TVP23C: variants seen among roughly 807,000 people sequenced by gnomAD.
The protein encoded by TVP23C is Golgi apparatus membrane protein TVP23 homolog C.
In TVP23C, 19 loss-of-function variants were observed where a neutral mutation model predicts 28.7. The ratio of observed to expected loss-of-function variants is 0.66; its 90% CI spans 0.46 to 0.97. TVP23C has a LOEUF of 0.97. Ranked by LOEUF, TVP23C falls within the 50% of genes least tolerant of loss-of-function variation. The pLI, the probability that TVP23C is intolerant of heterozygous loss-of-function variation, is 0.00. For missense variants in TVP23C, 186 were observed against 241.3 expected (o/e 0.77, Z 1.52); for synonymous variants, 68 against 81.7 (o/e 0.83, Z 0.90).
At chr17:15,544,403 A>G (rs1983553067) in intron 5 of TVP23C, among the ~76,000 whole-genome samples, 1 of 152,188 alleles carries the variant, frequency 6.6e-6, no homozygotes, top group Non-Finnish European at 1.5e-5. Context: ...GATAACTATT[A>G]TAAAACTTGG....
At chr17:15,559,530 C>G (rs1043896034) in intron 1 of TVP23C, among the ~76,000 whole-genome samples, 3 of 148,286 alleles carry the variant, frequency 2.0e-5, no homozygotes, top group African/African-American at 7.3e-5. Context: ...ACTGCATGTT[C>G]TGACTCACCT....
chr17:15,518,328 A>C (rs1284952315), intron 5 of TVP23C, among the ~76,000 whole-genome samples: 1 of 152,180 alleles, frequency 6.6e-6, no homozygotes, highest in Non-Finnish European at 1.5e-5. Flanking sequence ...ATATGGTTGC[A>C]ATGCTACGTA....
intron 5 of TVP23C, among the ~76,000 whole-genome samples, chr17:15,513,977 G>A (rs1982112817): frequency 6.6e-6 from 1 of 152,172 alleles, no homozygotes. Context: ...CGGTGAGGGA[G>A]GCCCAGAGAC....
chr17:15,562,218 A>C (rs1984429804), intron 1 of TVP23C: 1 of 152,180 alleles, frequency 6.6e-6, no homozygotes, highest in Non-Finnish European at 1.5e-5. Context: ...GCCTGATCCA[A>C]GACTTTTTTT....
chr17:15,536,540 T>C (rs114880471), downstream of TVP23C, among the ~76,000 whole-genome samples: 741 of 152,288 alleles, frequency 4.9e-3, 3 homozygotes, highest in African/African-American at 0.017. Context: ...GAAAAACGAA[T>C]ATTAGGGAAT....
rs374293023 is a variant in TVP23C at position 15,540,309 on chromosome 17, T to C, written c.*103A>G. 6.8e-4 allele frequency: 937 copies of C among 1,370,534 alleles called. 9 individuals carry two copies. The African/African-American group carries it at 0.012, about 18-fold the overall frequency. 84.9% of individuals were successfully genotyped at this position (1,370,534 alleles called of 1,614,324 possible). On this transcript the variant is annotated 3_prime_UTR_variant, in exon 6 of 6. Transcript: ENST00000518321. ...CCCCCAAAGAGCAATTACAACATCTTTATCATTATATTTATACAACTATAT... is the reference window on the plus strand; with the variant it reads ...CCCCCAAAGAGCAATTACAACATCTCTATCATTATATTTATACAACTATAT...
intron 3 of TVP23C, among the ~76,000 whole-genome samples, chr17:15,551,626 C>T (rs988258571): frequency 3.3e-5 from 5 of 152,000 alleles, no homozygotes; most frequent in Admixed American, 1.3e-4. Context: ...GCTTTGAATG[C>T]GGCCCAAGAG....
intron 3 of TVP23C, among the ~76,000 whole-genome samples, chr17:15,547,925 G>C (rs1983715044): frequency 6.6e-6 from 1 of 152,082 alleles, no homozygotes; most frequent in Non-Finnish European, 1.5e-5. Context: ...TTAATTAATG[G>C]TGTCCACTAA....
chr17:15,511,015 T>C (rs1054998659), intron 5 of TVP23C, among the ~76,000 whole-genome samples: 120 of 143,004 alleles, frequency 8.4e-4, no homozygotes, highest in Admixed American at 8.0e-4. Flanking sequence ...GATTGCACCA[T>C]TGCACTCCAG....
chr17:15,538,598 A>T lies in TVP23C; in HGVS notation c.*1814T>A. 1 of 983,690 alleles carries T rather than the reference A, an allele frequency of 1.0e-6. No individual in the cohort carries two copies. Among genetic ancestry groups the T allele is most frequent in the Non-Finnish European group, 1.2e-6 (1 of 828,412 alleles). 60.9% of individuals were successfully genotyped at this position (983,690 alleles called of 1,614,324 possible). A position where few individuals can be genotyped will look rare whatever the true frequency, so the allele number is the denominator to read the frequency against. On this transcript the variant is annotated 3_prime_UTR_variant, in exon 6 of 6. Transcript: ENST00000518321. Reference sequence around the variant, plus strand: ...AGAGTGAGACTCTGTCTCAAAAAAAATAAATAAATAAAAAAGTAGACATGC... The same window carrying T: ...AGAGTGAGACTCTGTCTCAAAAAAATTAAATAAATAAAAAAGTAGACATGC...
chr17:15,518,494 T>G (rs963797643), intron 5 of TVP23C, among the ~76,000 whole-genome samples: 1 of 152,212 alleles, frequency 6.6e-6, no homozygotes, highest in Non-Finnish European at 1.5e-5. Flanking sequence ...GGAAAGCAGA[T>G]GACAGCTGGG....
At chr17:15,502,556 C>T in exon 6 of TVP23C, 1 of 305,560 alleles carries the variant, frequency 3.3e-6, no homozygotes, top group Non-Finnish European at 5.9e-6. Flanking sequence ...TCTGGCTCAC[C>T]GCATCCTTCC....
chr17:15,550,477 CA>C (rs1983838768), intron 3 of TVP23C, among the ~76,000 whole-genome samples: 1 of 152,198 alleles, frequency 6.6e-6, no homozygotes, highest in African/African-American at 2.4e-5. Context: ...CTCTGTCATA[CA>C]AAGTCCCAAA....
intron 5 of TVP23C, among the ~76,000 whole-genome samples, chr17:15,513,104 G>A (rs1982071011): frequency 6.6e-6 from 1 of 152,164 alleles, no homozygotes; most frequent in Admixed American, 6.5e-5. Flanking sequence ...TACTATGCGA[G>A]GAACTTGCCC....
Position 15,553,732 on chromosome 17 carries a change from T to C in TVP23C, c.193A>G (p.Met65Val), listed in dbSNP as rs769851090. ...ELLSSSFITC[M>V]VTIILLLSCD... ...GACAACAACAAGATAATTGTAACCA[T>C]ACAGGTAATAAAGCTGCTGCTGAGC... The change falls in exon 3 of 6, where the codon ATG becomes GTG. Residue 65 changes from methionine to valine, a missense_variant. Around this residue, in one of 3 missense-constraint regions of TVP23C, gnomAD observed 92 missense variants for 94.3 expected, o/e 0.98. Transcript: ENST00000518321. 21 of 1,613,712 alleles carry C rather than the reference T, an allele frequency of 1.3e-5. No individual in the cohort carries two copies. Among genetic ancestry groups the C allele is most frequent in the Non-Finnish European group, 1.6e-5 (19 of 1,179,904 alleles).
intron 5 of TVP23C, 145 bp downstream of exon 5, chr17:15,545,640 G>A (rs1248157477): frequency 3.2e-6 from 4 of 1,242,560 alleles, no homozygotes; most frequent in Non-Finnish European, 4.3e-6. Flanking sequence ...AGGTAAAGTT[G>A]GGAAGCAAAA....
chr17:15,509,121 C>G (rs1981895114), intron 5 of TVP23C, among the ~76,000 whole-genome samples: 1 of 152,228 alleles, frequency 6.6e-6, no homozygotes, highest in Non-Finnish European at 1.5e-5. Context: ...GGCCAAAGTC[C>G]TGGCCCACAG....
intron 5 of TVP23C, among the ~76,000 whole-genome samples, chr17:15,511,723 CAAG>C (rs960031939): frequency 2.0e-5 from 3 of 152,142 alleles, no homozygotes; most frequent in Admixed American, 6.5e-5. Context: ...CTCAATGGCT[CAAG>C]AATACCACTG....
intron 5 of TVP23C, among the ~76,000 whole-genome samples, chr17:15,517,820 T>C (rs912767312): frequency 6.6e-6 from 1 of 151,994 alleles, no homozygotes; most frequent in African/African-American, 2.4e-5. Context: ...AAGGGCTGAG[T>C]CTCATGCCCA....
Sources: allele counts gnomAD v4.1 joint callset (sites outside exome capture counted in the v4.1 genomes callset), GRCh38; gene constraint gnomAD v4.1.1; regional missense constraint gnomAD v4.1.1; transcripts MANE v1.5; gene names NCBI Gene and HGNC (gene_info 2026-07-23, HGNC 2026-07-21).